The following SLC35F1 variants were observed in gnomAD, a reference collection of about 807,000 sequenced individuals.
SLC35F1 encodes the protein solute carrier family 35 member F1.
SLC35F1 carries 14 observed loss-of-function variants against 48.7 expected under a neutral mutation model. That is an observed-to-expected ratio of 0.29 (90% confidence interval 0.19 to 0.45). The LOEUF (loss-of-function observed/expected upper bound fraction) is 0.45, where lower values mean the gene tolerates loss of function less well. Among genes scored for constraint, SLC35F1 ranks in the 20% least tolerant of loss-of-function variants. The pLI, the probability that SLC35F1 is intolerant of heterozygous loss-of-function variation, is 1.00. For synonymous variants in SLC35F1, 190 were observed against 202.2 expected, an observed-to-expected ratio of 0.94 and a Z score of 0.51; for missense variants, 404 against 500.0, an observed-to-expected ratio of 0.81 and a Z score of 1.83.
At chr6:118,027,026 C>CA in intron 1 of SLC35F1, among the ~76,000 whole-genome samples, 1 of 152,134 alleles carries the variant, frequency 6.6e-6, no homozygotes. Context: ...CTGTCTTTGT[C>CA]TTTTCCAGAA....
At chr6:118,133,749 T>G (rs1211110423) in intron 1 of SLC35F1, among the ~76,000 whole-genome samples, 1 of 152,214 alleles carries the variant, frequency 6.6e-6, no homozygotes, top group Non-Finnish European at 1.5e-5. Flanking sequence ...ATAAAAATAG[T>G]GGGTTCTTCA....
At chr6:118,290,996 T>G (rs911031490) in intron 7 of SLC35F1, among the ~76,000 whole-genome samples, 1 of 152,000 alleles carries the variant, frequency 6.6e-6, no homozygotes, top group Non-Finnish European at 1.5e-5. Flanking sequence ...ATTTTCACTA[T>G]GTTGGCCAGC....
At chr6:118,091,887 C>G (rs1482676792) in intron 1 of SLC35F1, among the ~76,000 whole-genome samples, 1 of 152,158 alleles carries the variant, frequency 6.6e-6, no homozygotes, top group Non-Finnish European at 1.5e-5. Context: ...GAGTAAAGGT[C>G]ACTCTTGCTA....
rs566358543 is a variant in SLC35F1, at chr6:118,255,713, A to G, written c.478-11282A>G. Among the ~76,000 whole-genome samples, 294 of 152,362 alleles carry G rather than the reference A, an allele frequency of 1.9e-3. 1 individual carries two copies. Among genetic ancestry groups the G allele is most frequent in the South Asian group, 4.6e-3 (22 of 4,830 alleles). On this transcript the variant is annotated intron_variant, in intron 3 of 7. Transcript: ENST00000360388. The stretch of plus-strand genomic sequence containing the variant: ...ATACAATTTACACATTTAAATTCCT[A>G]TTGGTAGGAAAAGAAAAGTAGTTTG...
chr6:117,969,429 G>A (rs34191954), intron 1 of SLC35F1, among the ~76,000 whole-genome samples: 29,035 of 152,124 alleles, frequency 0.19, 3,505 homozygotes, highest in Admixed American at 0.29. Context: ...GAAACGTAAT[G>A]TATGGACATG....
intron 1 of SLC35F1, among the ~76,000 whole-genome samples, chr6:117,987,238 T>A (rs552754472): frequency 1.3e-5 from 2 of 152,308 alleles, no homozygotes; most frequent in East Asian, 3.9e-4. Context: ...TGGAACTAGA[T>A]GATAAGTTTG....
chr6:117,918,015 G>C (rs1451017224), intron 1 of SLC35F1, among the ~76,000 whole-genome samples: 2 of 152,164 alleles, frequency 1.3e-5, no homozygotes, highest in Admixed American at 6.5e-5. Flanking sequence ...CCACTGTGCT[G>C]AGAGTAATTG....
chr6:118,219,643 A>G (rs1310174198), intron 2 of SLC35F1, among the ~76,000 whole-genome samples: 2 of 152,194 alleles, frequency 1.3e-5, no homozygotes, highest in African/African-American at 4.8e-5. Context: ...CTAGAATACC[A>G]TTTGACCCAG....
intron 1 of SLC35F1, among the ~76,000 whole-genome samples, chr6:118,152,409 T>C (rs1308316681): frequency 6.6e-6 from 1 of 152,178 alleles, no homozygotes; most frequent in Non-Finnish European, 1.5e-5. Flanking sequence ...ACTGTACATC[T>C]ACATGCCCTA....
intron 2 of SLC35F1, among the ~76,000 whole-genome samples, chr6:118,205,537 A>G (rs774294653): frequency 6.6e-6 from 1 of 152,192 alleles, no homozygotes; most frequent in African/African-American, 2.4e-5. Flanking sequence ...ATATTAGAAC[A>G]CTTGCGCATT....
At chr6:118,096,829 C>T (rs185745409) in intron 1 of SLC35F1, among the ~76,000 whole-genome samples, 1 of 152,258 alleles carries the variant, frequency 6.6e-6, no homozygotes, top group East Asian at 1.9e-4. Flanking sequence ...ACTCCTACCC[C>T]AAAGCTGCTC....
intron 2 of SLC35F1, among the ~76,000 whole-genome samples, chr6:118,178,353 A>G (rs1774523626): frequency 6.6e-6 from 1 of 152,190 alleles, no homozygotes; most frequent in Admixed American, 6.5e-5. Context: ...GTGTTCCTAC[A>G]GCTGTTTTTT....
chr6:117,937,304 C>T (rs940222868), intron 1 of SLC35F1, among the ~76,000 whole-genome samples: 4 of 152,198 alleles, frequency 2.6e-5, no homozygotes, highest in Admixed American at 2.0e-4. Flanking sequence ...AGGAAGGCAG[C>T]GCACTACGAG....
chr6:118,004,865 T>C (rs576835596), intron 1 of SLC35F1, among the ~76,000 whole-genome samples: 2 of 152,114 alleles, frequency 1.3e-5, no homozygotes, highest in East Asian at 1.9e-4. Flanking sequence ...CAAATACTTA[T>C]TGAGTGTCTG....
chr6:118,175,173 T>A (rs529864635), intron 2 of SLC35F1, among the ~76,000 whole-genome samples: 1 of 152,270 alleles, frequency 6.6e-6, no homozygotes, highest in South Asian at 2.1e-4. Flanking sequence ...TTATTAAAAA[T>A]TCAGTCCATA....
chr6:118,000,164 C>T (rs375844004), intron 1 of SLC35F1, among the ~76,000 whole-genome samples: 6,535 of 152,188 alleles, frequency 0.043, 199 homozygotes, highest in Non-Finnish European at 0.061. Flanking sequence ...AATTTTAGAC[C>T]AATATCCTTG....
intron 2 of SLC35F1, among the ~76,000 whole-genome samples, chr6:118,161,056 C>A (rs961260929): frequency 2.6e-5 from 4 of 151,754 alleles, no homozygotes; most frequent in Non-Finnish European, 5.9e-5. Context: ...TTCTCCATGA[C>A]CAATACCACA....
chr6:118,129,608 C>T (rs4028067), intron 1 of SLC35F1, among the ~76,000 whole-genome samples: 51,785 of 151,720 alleles, frequency 0.34, 9,656 homozygotes, highest in Non-Finnish European at 0.43. Context: ...TTGCTGTAGG[C>T]GTAATGGGTA....
At chr6:117,965,879 T>G (rs1005591783) in intron 1 of SLC35F1, among the ~76,000 whole-genome samples, 5 of 152,014 alleles carry the variant, frequency 3.3e-5, no homozygotes, top group Admixed American at 3.3e-4. Context: ...CAGCGCTATG[T>G]CTAACTGATC....
Sources: gnomAD v4.1 joint callset for allele counts (sites outside exome capture counted in the v4.1 genomes callset) on GRCh38, gnomAD v4.1.1 for gene constraint, MANE v1.5 for transcripts, NCBI Gene and HGNC (gene_info 2026-07-23, HGNC 2026-07-21) for gene names.